The following PCNX2 variants were observed in gnomAD, a reference collection of about 807,000 sequenced individuals.
PCNX2 encodes the protein pecanex 2.
PCNX2 carries 168 observed loss-of-function variants against 223.8 expected under a neutral mutation model. That is an observed-to-expected ratio of 0.75 (90% CI 0.66 to 0.85). PCNX2 has a LOEUF of 0.85. PCNX2 is among the 40% of genes least tolerant of loss of function. PCNX2 has a pLI of 0.00. For missense variants in PCNX2, 2,507 were observed against 2,675.5 expected (o/e 0.94, Z 1.39); for synonymous variants, 1,006 against 1,052.6 (o/e 0.96, Z 0.86).
chr1:233,025,120 T>C, intron 26 of PCNX2, 26 bp downstream of exon 26: 2 of 1,612,268 alleles, frequency 1.2e-6, no homozygotes, highest in Middle Eastern at 1.7e-4. Context: ...ATTTCTGCCT[T>C]AGGTGTTTGG....
chr1:232,992,202 T>C (rs1016163549), intron 32 of PCNX2, among the ~76,000 whole-genome samples: 2 of 152,348 alleles, frequency 1.3e-5, no homozygotes, highest in Admixed American at 6.5e-5. Flanking sequence ...CTTCCTAGGC[T>C]GCAGTGCCTT....
At chr1:233,019,625 C>T (rs1670803941) in intron 26 of PCNX2, among the ~76,000 whole-genome samples, 1 of 152,096 alleles carries the variant, frequency 6.6e-6, no homozygotes, top group African/African-American at 2.4e-5. Flanking sequence ...CTTACCTACC[C>T]AGCAAGCAGG....
At chr1:233,158,301 C>T (rs1313264808) in intron 19 of PCNX2, among the ~76,000 whole-genome samples, 1 of 152,168 alleles carries the variant, frequency 6.6e-6, no homozygotes, top group Non-Finnish European at 1.5e-5. Flanking sequence ...TTTCCTTCAG[C>T]TTCACAGGTT....
At chr1:233,007,740 A>G (rs887295343) in intron 28 of PCNX2, among the ~76,000 whole-genome samples, 3 of 151,326 alleles carry the variant, frequency 2.0e-5, no homozygotes, top group Admixed American at 6.6e-5. Flanking sequence ...GGGTTTCACC[A>G]TGTTGGCCAG....
upstream of PCNX2, among the ~76,000 whole-genome samples, chr1:233,295,966 C>T (rs12756693): frequency 0.07 from 10,163 of 145,758 alleles, 417 homozygotes; most frequent in Non-Finnish European, 0.088. This position sits in a 1 kb window ranked among gnomAD's most constrained non-coding sequence, Gnocchi z 4.1. Flanking sequence ...CTCTCTCTCT[C>T]TCTTTCTTTC....
intron 21 of PCNX2, among the ~76,000 whole-genome samples, chr1:233,118,042 AC>A (rs1319094586): frequency 6.6e-6 from 1 of 152,108 alleles, no homozygotes; most frequent in African/African-American, 2.4e-5. Flanking sequence ...ATAGACCATA[AC>A]CAAATGGGTT....
intron 23 of PCNX2, among the ~76,000 whole-genome samples, chr1:233,073,432 T>A (rs1039285599): frequency 4.6e-5 from 7 of 152,110 alleles, no homozygotes; most frequent in African/African-American, 1.7e-4. Context: ...ACACTCTTCT[T>A]TTTCTAGTTC....
At chr1:233,217,484 G>C (rs4491019) in intron 12 of PCNX2, among the ~76,000 whole-genome samples, 1 of 152,102 alleles carries the variant, frequency 6.6e-6, no homozygotes, top group African/African-American at 2.4e-5. Flanking sequence ...ATTTCCATTA[G>C]ACCTATTTAC....
At chr1:233,054,556 G>A in intron 24 of PCNX2, 73 bp from the exon 25 acceptor site, 1 of 1,205,252 alleles carries the variant, frequency 8.3e-7, no homozygotes, top group South Asian at 1.4e-5. Flanking sequence ...GAAACAGTGA[G>A]TTGTCATCTG....
chr1:233,032,872 G>T, intron 25 of PCNX2: 1 of 614,306 alleles, frequency 1.6e-6, no homozygotes, highest in Non-Finnish European at 2.0e-6. Flanking sequence ...GGTGAGTCTT[G>T]GGTAATCTGC....
At chr1:233,199,841 C>T (rs1171023880) in intron 14 of PCNX2, among the ~76,000 whole-genome samples, 1 of 152,038 alleles carries the variant, frequency 6.6e-6, no homozygotes, top group East Asian at 1.9e-4. Context: ...CTCACACATG[C>T]TCACACACAT....
At chr1:233,195,791 T>A (rs1680692307) in intron 15 of PCNX2, among the ~76,000 whole-genome samples, 1 of 152,202 alleles carries the variant, frequency 6.6e-6, no homozygotes, top group South Asian at 2.1e-4. Flanking sequence ...GACTGTGGTA[T>A]ATGGAACAAT....
intron 26 of PCNX2, among the ~76,000 whole-genome samples, chr1:233,023,006 C>G (rs756228246): frequency 6.6e-6 from 1 of 152,094 alleles, no homozygotes; most frequent in Admixed American, 6.5e-5. Flanking sequence ...TGAGTCTAGC[C>G]TAATTCTTGA....
chr1:233,314,910 CTG>C, the PCNX2 span, among the ~76,000 whole-genome samples: 1 of 152,200 alleles, frequency 6.6e-6, no homozygotes, highest in Non-Finnish European at 1.5e-5. Context: ...TCAAATGACC[CTG>C]TGATTAAGTA....
intron 21 of PCNX2, among the ~76,000 whole-genome samples, chr1:233,106,591 A>T (rs564334381): frequency 5.7e-4 from 87 of 151,800 alleles, no homozygotes; most frequent in African/African-American, 1.8e-3. Flanking sequence ...TTACCTCGTG[A>T]TCCGCCCGCC....
chr1:233,145,310 G>A (rs919502988), intron 19 of PCNX2, among the ~76,000 whole-genome samples: 5 of 152,024 alleles, frequency 3.3e-5, no homozygotes, highest in African/African-American at 1.2e-4. Context: ...ATTCTCCTAT[G>A]GTTTTCTCTA....
the PCNX2 span, among the ~76,000 whole-genome samples, chr1:233,302,414 T>C: frequency 6.6e-6 from 1 of 152,230 alleles, no homozygotes; most frequent in East Asian, 1.9e-4. Flanking sequence ...AATCAGTTAT[T>C]TGTGCCATCT....
chr1:232,987,921 G>A (rs759446334), intron 32 of PCNX2, among the ~76,000 whole-genome samples: 8 of 152,172 alleles, frequency 5.3e-5, no homozygotes, highest in South Asian at 2.1e-4. Flanking sequence ...AGGAGCGCTC[G>A]CCCCACAGTG....
intron 1 of PCNX2, chr1:233,290,892 T>C (rs889873677): frequency 6.1e-6 from 6 of 985,270 alleles, no homozygotes; most frequent in African/African-American, 5.2e-5. Flanking sequence ...CATACAAACA[T>C]ATATGCCAGG....
Sources: gnomAD v4.1 joint callset for allele counts (sites outside exome capture counted in the v4.1 genomes callset) on GRCh38, gnomAD v4.1.1 for gene constraint, Gnocchi (gnomAD v3.1) non-coding constraint, MANE v1.5 for transcripts, NCBI Gene and HGNC (gene_info 2026-07-23, HGNC 2026-07-21) for gene names.